The following TRAPPC9 variants were observed in gnomAD, a reference collection of about 807,000 sequenced individuals.
The protein encoded by TRAPPC9 is IKK2 binding protein.
Under a neutral mutation model 124.0 loss-of-function variants are expected in TRAPPC9, and 83 were observed. The ratio of observed to expected loss-of-function variants is 0.67; its 90% CI spans 0.56 to 0.80. The LOEUF is 0.80. TRAPPC9 is among the 30% of genes least tolerant of loss of function. The pLI, the probability that TRAPPC9 is intolerant of heterozygous loss-of-function variation, is 0.00. For missense variants in TRAPPC9, 1,302 were observed against 1,508.3 expected, an observed-to-expected ratio of 0.86 and a Z score of 2.27; for synonymous variants, 638 against 617.5, an observed-to-expected ratio of 1.03 and a Z score of -0.49.
intron 5 of TRAPPC9, among the ~76,000 whole-genome samples, chr8:140,421,746 T>C (rs541169017): frequency 1.3e-5 from 2 of 152,166 alleles, no homozygotes; most frequent in South Asian, 4.2e-4. Context: ...TTCCTTTAGT[T>C]AACGAAATGG....
chr8:139,896,585 T>G (rs2131189490), intron 20 of TRAPPC9, among the ~76,000 whole-genome samples: 1 of 152,314 alleles, frequency 6.6e-6, no homozygotes, highest in African/African-American at 2.4e-5. Flanking sequence ...GGGCCAGGCT[T>G]GAACCCAGCC....
intron 5 of TRAPPC9, among the ~76,000 whole-genome samples, chr8:140,418,207 T>A (rs11986398): frequency 0.032 from 4,884 of 152,168 alleles, 262 homozygotes; most frequent in African/African-American, 0.11. Context: ...ACTTAAAGTA[T>A]AATAAAAAAT....
At chr8:140,021,579 TTGCTTTTATTTC>T (rs1419068666) in intron 18 of TRAPPC9, among the ~76,000 whole-genome samples, 2 of 152,334 alleles carry the variant, frequency 1.3e-5, no homozygotes, top group South Asian at 2.1e-4. Context: ...CGGTTTCCAT[TTGCTTTTATTTC>T]TGATGGATGA....
intron 17 of TRAPPC9, among the ~76,000 whole-genome samples, chr8:140,027,065 GTCTT>G (rs1840194185): frequency 6.6e-6 from 1 of 152,084 alleles, no homozygotes; most frequent in Non-Finnish European, 1.5e-5. Flanking sequence ...CACTCAATAA[GTCTT>G]TCTGTCAAAA....
chr8:140,363,226 T>A (rs527409360), intron 8 of TRAPPC9, among the ~76,000 whole-genome samples: 2 of 152,128 alleles, frequency 1.3e-5, no homozygotes, highest in African/African-American at 4.8e-5. Flanking sequence ...GCAACACAAA[T>A]AAGATTTAAA....
intron 21 of TRAPPC9, among the ~76,000 whole-genome samples, chr8:139,811,267 A>T (rs1298550824): frequency 6.6e-6 from 1 of 152,252 alleles, no homozygotes; most frequent in Non-Finnish European, 1.5e-5. Context: ...TCCAGGAAGC[A>T]GTATAAGCAT....
In TRAPPC9 at chr8:140,266,868, CA is replaced by C. The variant is rs199891725; in HGVS notation, c.2278+8789del. On this transcript the variant is annotated intron_variant, in intron 15 of 22. Transcript: ENST00000438773. ...GAGCGAGACTCCATCTCAACAACAA[CA>C]AAAAAAAACCCACTCATCTCTGTGT... Among the ~76,000 whole-genome samples the C allele has an allele frequency of 6.0e-5, 9 of 150,582 alleles. No individual in the cohort carries two copies. The East Asian group carries it at 9.8e-4, about 16-fold the overall frequency.
At chr8:139,983,739 T>G (rs1436375021) in intron 19 of TRAPPC9, among the ~76,000 whole-genome samples, 3 of 152,000 alleles carry the variant, frequency 2.0e-5, no homozygotes, top group African/African-American at 7.2e-5. Context: ...GAGCAGAAAG[T>G]GGGAAATAAA....
chr8:140,140,699 T>G (rs573255562), intron 17 of TRAPPC9, among the ~76,000 whole-genome samples: 1 of 152,322 alleles, frequency 6.6e-6, no homozygotes, highest in East Asian at 1.9e-4. Context: ...TAAAGCAAAG[T>G]TGGACCAAGT....
chr8:139,888,432 G>C (rs1385268756), intron 20 of TRAPPC9, among the ~76,000 whole-genome samples: 1 of 152,162 alleles, frequency 6.6e-6, no homozygotes, highest in Non-Finnish European at 1.5e-5. Context: ...GGAGTGCACG[G>C]AATCATACCC....
At chr8:139,926,124 C>A (rs755089900) in intron 19 of TRAPPC9, among the ~76,000 whole-genome samples, 3 of 152,246 alleles carry the variant, frequency 2.0e-5, no homozygotes, top group Non-Finnish European at 4.4e-5. Context: ...ATGCTATGAT[C>A]CAAGGCTGGT....
chr8:139,959,918 T>C (rs941613146), intron 19 of TRAPPC9, among the ~76,000 whole-genome samples: 1 of 152,058 alleles, frequency 6.6e-6, no homozygotes, highest in Non-Finnish European at 1.5e-5. Context: ...AGCCTTAAGT[T>C]AGGTCACAAC....
chr8:140,030,576 A>T (rs1840438413), intron 17 of TRAPPC9, among the ~76,000 whole-genome samples: 1 of 152,258 alleles, frequency 6.6e-6, no homozygotes, highest in African/African-American at 2.4e-5. Flanking sequence ...GACTTTATTC[A>T]TAATAATACC....
At chr8:140,041,609 C>T (rs1054196374) in intron 17 of TRAPPC9, among the ~76,000 whole-genome samples, 14 of 152,206 alleles carry the variant, frequency 9.2e-5, no homozygotes, top group Non-Finnish European at 7.3e-5. Context: ...GGAGAACGCT[C>T]GTGACTTGCT....
rs568228803 is a variant in TRAPPC9 at position 140,082,731 on chromosome 8, A to G, written c.2557-58652T>C. Among the ~76,000 whole-genome samples, 160 of 152,192 alleles carry G rather than the reference A, an allele frequency of 1.1e-3. 1 individual carries two copies. The highest frequency in any genetic ancestry group is 1.9e-3 in the Non-Finnish European group (132 of 68,028). On this transcript the variant is annotated intron_variant, in intron 17 of 22. Transcript: ENST00000438773. ...ATTGTTAAACACGTTCTTTTCTCCT[A>G]TTGTTAAACAAAATACATCAAAATG... is the stretch of plus-strand genomic sequence containing the variant.
chr8:140,251,317 C>T (rs1278628862), intron 16 of TRAPPC9, among the ~76,000 whole-genome samples: 1 of 152,222 alleles, frequency 6.6e-6, no homozygotes, highest in African/African-American at 2.4e-5. Flanking sequence ...AACCCTCTGT[C>T]TACTGATTAA....
At chr8:140,031,079 T>C (rs548433821) in intron 17 of TRAPPC9, among the ~76,000 whole-genome samples, 2 of 152,294 alleles carry the variant, frequency 1.3e-5, no homozygotes, top group East Asian at 3.9e-4. Flanking sequence ...GTAAACATTA[T>C]TAAAGAATCT....
At chr8:140,390,650 C>T (rs1044001639) in intron 7 of TRAPPC9, among the ~76,000 whole-genome samples, 1 of 152,208 alleles carries the variant, frequency 6.6e-6, no homozygotes, top group Non-Finnish European at 1.5e-5. Flanking sequence ...AGAGGCCCAC[C>T]TGGCTTGCTC....
chr8:139,795,297 G>A (rs527446690), intron 21 of TRAPPC9, among the ~76,000 whole-genome samples: 1 of 152,198 alleles, frequency 6.6e-6, no homozygotes, highest in Admixed American at 6.5e-5. Context: ...GCACTGCCGA[G>A]AAGTCAGGAG....
Sources: allele counts gnomAD v4.1 joint callset (sites outside exome capture counted in the v4.1 genomes callset), GRCh38; gene constraint gnomAD v4.1.1; transcripts MANE v1.5; gene names NCBI Gene and HGNC (gene_info 2026-07-23, HGNC 2026-07-21).